The following CTR9 variants were observed in gnomAD, a reference collection of about 807,000 sequenced individuals.
CTR9 encodes the protein RNA polymerase-associated protein CTR9 homolog.
A neutral mutation model predicts 152.1 loss-of-function variants in CTR9; 41 were observed. That is an observed-to-expected ratio of 0.27 (90% confidence interval 0.21 to 0.35). The LOEUF is 0.35. Among genes scored for constraint, CTR9 ranks in the 10% least tolerant of loss-of-function variants. The pLI is 1.00. For missense variants in CTR9, 917 were observed against 1,424.4 expected, an observed-to-expected ratio of 0.64 and a Z score of 5.73; for synonymous variants, 476 against 496.2, an observed-to-expected ratio of 0.96 and a Z score of 0.54.
rs76106715 is a variant in CTR9, at chr11:10,773,946, C to T, written c.2728-66C>T. 1.7e-3 allele frequency: 1,903 copies of T among 1,112,978 alleles called. 21 individuals carry two copies. The African/African-American group carries it at 0.027, about 16-fold the overall frequency. 68.9% of individuals were successfully genotyped at this position (1,112,978 alleles called of 1,614,324 possible). A position where few individuals can be genotyped will look rare whatever the true frequency, so the allele number is the denominator to read the frequency against. ...ACAATGGATATGGCCCCTTTCTGTA[C>T]CTTAGCATTCTAACCACATTCCACC... On this transcript the variant is annotated intron_variant, in intron 21 of 24. Coordinates refer to ENST00000361367, the MANE Select transcript of CTR9 (RefSeq NM_014633.5).
At position 10,768,463 on chromosome 11, in the gene CTR9, A is replaced by G. The variant is rs1182829854; in HGVS notation, c.2081A>G (p.Gln694Arg). The change falls in exon 16 of 25, where the codon CAA (glutamine) becomes CGA (arginine). Residue 694 changes from glutamine to arginine, a missense_variant. This residue lies in a region of CTR9 where 87 missense variants were observed against 235.7 expected (regional missense o/e 0.37). Transcript: ENST00000361367. ...AACTTAGCACACATCTATGTGGAGC[A>G]AAAGCAGTACATCAGCGCCGTTCAG... ...WLNLAHIYVE[Q>R]KQYISAVQMY... is the part of the protein sequence containing the mutation. The G allele has an allele frequency of 6.2e-7, 1 of 1,611,922 alleles. No individual in the cohort carries two copies. The highest frequency in any genetic ancestry group is 8.5e-7 in the Non-Finnish European group (1 of 1,179,470).
rs779763339 is a variant in CTR9 at position 10,756,845 on chromosome 11, G to A, written c.592+7G>A. 2 of 1,593,816 alleles carry A rather than the reference G, an allele frequency of 1.3e-6. No individual in the cohort carries two copies. The highest frequency in any genetic ancestry group is 2.2e-5 in the South Asian group (2 of 90,136). ...ACTAACCCAGGATGTCCAGGTAAGA[G>A]AAAAATTTTATTTTATGTCTAAACT... On this transcript the variant is annotated splice_region_variant and intron_variant, in intron 5 of 24. Transcript: ENST00000361367.
intron 21 of CTR9, 42 bp from the exon 22 acceptor site, chr11:10,773,970 C>G: frequency 1.4e-6 from 2 of 1,465,522 alleles, no homozygotes; most frequent in Non-Finnish European, 9.4e-7. Context: ...CCACATTCCA[C>G]CAACCAGGAA....
chr11:10,754,294 A>T (rs1271480567), intron 2 of CTR9, among the ~76,000 whole-genome samples: 1 of 152,210 alleles, frequency 6.6e-6, no homozygotes, highest in Admixed American at 6.5e-5. Context: ...AGAATTCTTC[A>T]TATCTTTCAC....
chr11:10,759,939 T>A (rs1462218873), intron 5 of CTR9, among the ~76,000 whole-genome samples: 1 of 152,120 alleles, frequency 6.6e-6, no homozygotes, highest in Admixed American at 6.5e-5. Flanking sequence ...GTATTATAGG[T>A]GTTCTGTTCT....
chr11:10,770,582 T>C lies in CTR9; in HGVS notation c.2322T>C (p.Ser774=), dbSNP rs1863128568. 6.2e-7 allele frequency: 1 copy of C among 1,613,898 alleles called. No homozygotes were observed. The highest frequency in any genetic ancestry group is 1.3e-5 in the African/African-American group (1 of 75,040). The part of the protein sequence containing the change: ...LATSVLKDEK[S]NLKEVLNAVK... ...CCTCTGTCCTGAAAGATGAAAAAAGTAATCTGAAGGAAGTACTTAATGCTG... is the reference window on the plus strand; with the variant it reads ...CCTCTGTCCTGAAAGATGAAAAAAGCAATCTGAAGGAAGTACTTAATGCTG... Residue 774 remains serine (S), a synonymous_variant, in exon 18 of 25, where the codon AGT becomes AGC. Transcript: ENST00000361367.
intron 16 of CTR9, 143 bp from the exon 17 acceptor site, chr11:10,770,067 C>T (rs973670383): frequency 9.1e-6 from 5 of 549,180 alleles, no homozygotes; most frequent in Non-Finnish European, 1.6e-5. Context: ...AAAATCATTC[C>T]CCAAATTATT....
intron 16 of CTR9, among the ~76,000 whole-genome samples, chr11:10,769,761 A>G (rs924691285): frequency 2.6e-5 from 4 of 152,232 alleles, no homozygotes; most frequent in Non-Finnish European, 4.4e-5. Flanking sequence ...GGTTTTACCA[A>G]GAAGTTAACA....
At chr11:10,764,257 G>A (rs768281397) in intron 10 of CTR9, 51 bp from the exon 11 acceptor site, 14 of 1,613,654 alleles carry the variant, frequency 8.7e-6, no homozygotes, top group African/African-American at 2.7e-5. Context: ...TAAGCCTGGT[G>A]TAGTGTCTCT....
At chr11:10,775,048 A>T (rs1300618760) in intron 22 of CTR9, among the ~76,000 whole-genome samples, 159 bp from the exon 23 acceptor site, 1 of 152,208 alleles carries the variant, frequency 6.6e-6, no homozygotes, top group Non-Finnish European at 1.5e-5. Flanking sequence ...GTGCAGCAAG[A>T]GTAAGTTATG....
intron 18 of CTR9, 42 bp downstream of exon 18, chr11:10,770,674 G>C (rs200373394): frequency 2.5e-6 from 4 of 1,569,860 alleles, no homozygotes; most frequent in African/African-American, 2.7e-5. Context: ...GCTTTATTTG[G>C]TCTATGACCA....
chr11:10,776,973 A>T lies in CTR9; in HGVS notation c.3095+1340A>T, dbSNP rs1310881905. 1.3e-3 allele frequency among the ~76,000 whole-genome samples: 108 copies of T among 82,478 alleles called. 1 individual carries two copies. Among genetic ancestry groups the T allele is most frequent in the African/African-American group, 5.0e-3 (99 of 19,918 alleles). 54.1% of individuals were successfully genotyped at this position (82,478 alleles called of 152,430 possible). A position where few individuals can be genotyped will look rare whatever the true frequency, so the allele number is the denominator to read the frequency against. On this transcript the variant is annotated intron_variant, in intron 24 of 24. Coordinates refer to ENST00000361367, the MANE Select transcript of CTR9 (RefSeq NM_014633.5). ...GGGCAACAGAATGAGACTCTTGTGAAAAAAAAAAAAAAAAAAAAAAAAAGC... is the reference window on the plus strand; with the variant it reads ...GGGCAACAGAATGAGACTCTTGTGATAAAAAAAAAAAAAAAAAAAAAAAGC...
rs774750738 is a variant in CTR9, at chr11:10,770,612, A to G, written c.2352A>G (p.Lys784=). Reference sequence around the variant, plus strand: ...TGAAGGAAGTACTTAATGCTGTGAAAGAACTGGAGCTTGCACATAGGTAAA... The same window carrying G: ...TGAAGGAAGTACTTAATGCTGTGAAGGAACTGGAGCTTGCACATAGGTAAA... ...SNLKEVLNAV[K]ELELAHRYFS... is the part of the protein sequence containing the mutation. The change falls in exon 18 of 25, where the codon AAA becomes AAG. Residue 784 remains lysine, a synonymous_variant. Transcript: ENST00000361367. The G allele has an allele frequency of 2.7e-5, 44 of 1,610,754 alleles. 1 individual carries two copies. The South Asian group carries it at 4.8e-4, about 17-fold the overall frequency.
intron 20 of CTR9, 134 bp from the exon 21 acceptor site, chr11:10,772,993 C>G: frequency 9.8e-7 from 1 of 1,023,264 alleles, no homozygotes; most frequent in Non-Finnish European, 1.4e-6. Context: ...CACCACTGTA[C>G]TCCAGTCTAG....
chr11:10,756,781 T>C lies in CTR9; in HGVS notation c.535T>C (p.Tyr179His). 1 of 1,612,014 alleles carries C rather than the reference T, an allele frequency of 6.2e-7. No homozygotes were observed. The stretch of plus-strand genomic sequence containing the variant: ...TTGCATTTCCTTCAACAAGAAGGAT[T>C]ACAGAGGAGCTCTTGCTTACTATAA... ...KACISFNKKD[Y>H]RGALAYYKKA... is the part of the protein sequence containing the mutation. The change falls in exon 5 of 25, where the codon TAC becomes CAC. Residue 179 changes from tyrosine (Y) to histidine (H), a missense_variant. Tyr to His is a moderately conservative substitution (Grantham distance 83). This residue lies in a region of CTR9 where 110 missense variants were observed against 149.5 expected (regional missense o/e 0.74). Transcript: ENST00000361367.
chr11:10,770,617 T>G lies in CTR9; in HGVS notation c.2357T>G (p.Leu786Arg). Reference sequence around the variant, plus strand: ...GAAGTACTTAATGCTGTGAAAGAACTGGAGCTTGCACATAGGTAAAGATTT... The same window carrying G: ...GAAGTACTTAATGCTGTGAAAGAACGGGAGCTTGCACATAGGTAAAGATTT... ...LKEVLNAVKE[L>R]ELAHRYFSYL... Residue 786 changes from leucine to arginine, a missense_variant, in exon 18 of 25, where the codon CTG becomes CGG. Leu to Arg is a moderately radical substitution (Grantham distance 102). Transcript: ENST00000361367. 1 of 1,610,568 alleles carries G rather than the reference T, an allele frequency of 6.2e-7. No individual in the cohort carries two copies. The highest frequency in any genetic ancestry group is 8.5e-7 in the Non-Finnish European group (1 of 1,179,238).
At chr11:10,755,347 G>A (rs1337291419) in intron 3 of CTR9, 150 bp downstream of exon 3, 4 of 979,536 alleles carry the variant, frequency 4.1e-6, no homozygotes, top group Non-Finnish European at 4.5e-6. Flanking sequence ...CATTAAAATC[G>A]GAATGCTTTG....
In CTR9 at chr11:10,774,075, A is replaced by T. The variant is rs144369097; in HGVS notation, c.2791A>T (p.Ile931Leu). 1 of 1,612,778 alleles carries T rather than the reference A, an allele frequency of 6.2e-7. No individual in the cohort carries two copies. The highest frequency in any genetic ancestry group is 2.2e-5 in the East Asian group (1 of 44,872). Residue 931 changes from isoleucine (I) to leucine (L), a missense_variant, in exon 22 of 25, where the codon ATA becomes TTA. Ile to Leu is a conservative substitution (Grantham distance 5). Coordinates refer to ENST00000361367, the MANE Select transcript of CTR9 (RefSeq NM_014633.5). ...TGATGACACTGATGATGACCTACCT[A>T]TATCCAAAAAGAAGAAGAGAAGAAA... is the stretch of plus-strand genomic sequence containing the variant. ...VNDDTDDDLP[I>L]SKKKKRRKGS...
intron 17 of CTR9, 55 bp from the exon 18 acceptor site, chr11:10,770,431 TC>T: frequency 6.3e-7 from 1 of 1,593,230 alleles, no homozygotes; most frequent in Non-Finnish European, 8.6e-7. Flanking sequence ...TACTCTGCTG[TC>T]TAAGATCCTT....
Sources: gnomAD v4.1 joint callset for allele counts (sites outside exome capture counted in the v4.1 genomes callset) on GRCh38, gnomAD v4.1.1 for gene constraint, gnomAD v4.1.1 regional missense constraint, MANE v1.5 for transcripts, NCBI Gene and HGNC (gene_info 2026-07-23, HGNC 2026-07-21) for gene names.